ZNF503: variants seen among roughly 807,000 people sequenced by gnomAD.
The protein encoded by ZNF503 is NocA-like zinc finger 2.
In ZNF503, 15 loss-of-function variants were observed where a neutral mutation model predicts 34.4. The observed-to-expected ratio is 0.44, with a 90% CI of 0.29 to 0.67. The LOEUF (loss-of-function observed/expected upper bound fraction) is 0.67. Among genes scored for constraint, ZNF503 ranks in the 30% least tolerant of loss-of-function variants. ZNF503 has a pLI of 0.13. For synonymous variants in ZNF503, 580 were observed against 456.8 expected (o/e 1.27, Z -3.44); for missense variants, 1,007 against 926.8 (o/e 1.09, Z -1.12).
At chr10:75,340,865 T>G in the ZNF503 span, among the ~76,000 whole-genome samples, 1 of 152,178 alleles carries the variant, frequency 6.6e-6, no homozygotes, top group African/African-American at 2.4e-5. Flanking sequence ...CCTCCCAAAG[T>G]GCTGGGATTA....
the ZNF503 span, chr10:75,280,015 A>G: frequency 6.6e-6 from 1 of 152,202 alleles, no homozygotes; most frequent in Non-Finnish European, 1.5e-5. Flanking sequence ...GGGACTATAC[A>G]TTTAGTCTAT....
At chr10:75,300,841 G>A in the ZNF503 span, among the ~76,000 whole-genome samples, 1 of 151,506 alleles carries the variant, frequency 6.6e-6, no homozygotes, top group African/African-American at 2.4e-5. Flanking sequence ...GAGTAGCTGG[G>A]ACTACAGACG....
chr10:75,363,078 G>A, the ZNF503 span, among the ~76,000 whole-genome samples: 1 of 128,802 alleles, frequency 7.8e-6, no homozygotes, highest in African/African-American at 3.4e-5. Context: ...GTGCATGCAT[G>A]CATACACACA....
At chr10:75,351,909 A>G in the ZNF503 span, among the ~76,000 whole-genome samples, 1 of 152,096 alleles carries the variant, frequency 6.6e-6, no homozygotes, top group Non-Finnish European at 1.5e-5. Flanking sequence ...AAATGGGGAA[A>G]TATTATCCAC....
the ZNF503 span, among the ~76,000 whole-genome samples, chr10:75,309,399 C>A: frequency 1.1e-3 from 168 of 152,270 alleles, no homozygotes; most frequent in African/African-American, 3.9e-3. Context: ...ATTGATGCAG[C>A]AAACTTCATT....
the ZNF503 span, among the ~76,000 whole-genome samples, chr10:75,357,287 C>T: frequency 6.6e-6 from 1 of 151,464 alleles, no homozygotes; most frequent in African/African-American, 2.4e-5. Flanking sequence ...GGGGGCAGAG[C>T]TTTGAGGACT....
chr10:75,393,326 C>G (rs1374319397), downstream of ZNF503, among the ~76,000 whole-genome samples: 2 of 152,192 alleles, frequency 1.3e-5, no homozygotes, highest in Non-Finnish European at 2.9e-5. Context: ...AGCCTCAACC[C>G]AGGTGGGGCA....
At chr10:75,331,522 C>G in the ZNF503 span, among the ~76,000 whole-genome samples, 1 of 152,194 alleles carries the variant, frequency 6.6e-6, no homozygotes, top group Non-Finnish European at 1.5e-5. Context: ...GATCATAGCT[C>G]ACTGCAGCCT....
chr10:75,299,853 A>G, the ZNF503 span, among the ~76,000 whole-genome samples: 3 of 152,340 alleles, frequency 2.0e-5, no homozygotes, highest in Admixed American at 1.3e-4. Context: ...ATGCTTCACA[A>G]GGTAATAGAA....
the ZNF503 span, among the ~76,000 whole-genome samples, chr10:75,313,878 A>C: frequency 6.6e-6 from 1 of 152,242 alleles, no homozygotes; most frequent in South Asian, 2.1e-4. Flanking sequence ...TAGAGAAAGC[A>C]TACAATCTTA....
At chr10:75,298,552 A>C in the ZNF503 span, among the ~76,000 whole-genome samples, 1 of 152,202 alleles carries the variant, frequency 6.6e-6, no homozygotes, top group South Asian at 2.1e-4. Flanking sequence ...TGGCCAAATA[A>C]TATTCCATTG....
chr10:75,280,396 A>G, the ZNF503 span: 23 of 152,356 alleles, frequency 1.5e-4, 1 homozygote, highest in East Asian at 4.2e-3. Context: ...TCCTCAGTCC[A>G]TGTGTCTCCT....
At chr10:75,284,588 G>A in the ZNF503 span, among the ~76,000 whole-genome samples, 31 of 152,190 alleles carry the variant, frequency 2.0e-4, no homozygotes, top group Admixed American at 2.0e-3. Context: ...TCAGGGCTTG[G>A]CCTGGGATTA....
Position 75,399,482 on chromosome 10 carries a change from C to T in ZNF503, c.1208G>A (p.Gly403Asp), listed in dbSNP as rs2131988720. The T allele has an allele frequency of 6.3e-7, 1 of 1,575,456 alleles. No homozygotes were observed. The highest frequency in any genetic ancestry group is 8.6e-7 in the Non-Finnish European group (1 of 1,167,450). ...QLAAAAAGSL[G>D]CSKPAGSSPL... ...GCTGGAGCCGGCCGGCTTACTGCAG[C>T]CCAGAGACCCGGCCGCGGCCGCCGC... Residue 403 changes from glycine (G) to aspartate (D), a missense_variant, in exon 2 of 2, where the codon GGC (glycine) becomes GAC (aspartate). Coordinates refer to ENST00000372524, the MANE Select transcript of ZNF503 (RefSeq NM_032772.6).
chr10:75,348,934 A>G, the ZNF503 span, among the ~76,000 whole-genome samples: 1 of 152,212 alleles, frequency 6.6e-6, no homozygotes, highest in Non-Finnish European at 1.5e-5. Context: ...CACCTAATAT[A>G]CCAGTCGTTA....
chr10:75,362,854 C>T, the ZNF503 span, among the ~76,000 whole-genome samples: 17 of 152,244 alleles, frequency 1.1e-4, no homozygotes, highest in Non-Finnish European at 2.1e-4. Flanking sequence ...CGAGGCTCCC[C>T]GTTCCTTCCT....
At chr10:75,296,054 A>T in the ZNF503 span, among the ~76,000 whole-genome samples, 1 of 152,204 alleles carries the variant, frequency 6.6e-6, no homozygotes, top group East Asian at 1.9e-4. Context: ...ACAAGACTAC[A>T]CTCGACTGTA....
Position 75,399,702 on chromosome 10 carries a change from A to G in ZNF503, c.988T>C (p.Ser330Pro). ...GCCACCAGCCCAGAGCCCAACACTG[A>G]GGAGGAGGTGGGCGCGCTGGGGCCG... ...GSGPSAPTSS[S>P]VLGSGLVAPV... Residue 330 changes from serine (S) to proline (P), a missense_variant, in exon 2 of 2, where the codon TCA becomes CCA. Ser to Pro is a moderately conservative substitution (Grantham distance 74, BLOSUM62 -1). Coordinates refer to ENST00000372524, the MANE Select transcript of ZNF503 (RefSeq NM_032772.6). 6.2e-7 allele frequency: 1 copy of G among 1,600,286 alleles called. No individual in the cohort carries two copies. The highest frequency in any genetic ancestry group is 8.5e-7 in the Non-Finnish European group (1 of 1,179,002).
the ZNF503 span, among the ~76,000 whole-genome samples, chr10:75,305,525 T>C: frequency 3.9e-5 from 6 of 152,190 alleles, no homozygotes; most frequent in Non-Finnish European, 8.8e-5. Flanking sequence ...ATAAATAACA[T>C]TAAATTTACC....
Sources: gnomAD v4.1 joint callset for allele counts (sites outside exome capture counted in the v4.1 genomes callset) on GRCh38, gnomAD v4.1.1 for gene constraint, MANE v1.5 for transcripts, NCBI Gene and HGNC (gene_info 2026-07-23, HGNC 2026-07-21) for gene names.